The following DLG2 variants were observed in gnomAD, a reference collection of about 807,000 sequenced individuals.
DLG2 encodes the protein disks large homolog 2.
DLG2 carries 45 observed loss-of-function variants against 132.5 expected under a neutral mutation model. The ratio of observed to expected loss-of-function variants is 0.34; its 90% CI spans 0.27 to 0.44. The LOEUF (loss-of-function observed/expected upper bound fraction) is 0.44, where lower values mean the gene tolerates loss of function less well. Among genes scored for constraint, DLG2 ranks in the 20% least tolerant of loss-of-function variants. The pLI, the probability that DLG2 is intolerant of heterozygous loss-of-function variation, is 1.00. For synonymous variants in DLG2, 424 were observed against 419.6 expected (o/e 1.01, Z -0.13); for missense variants, 1,045 against 1,196.9 (o/e 0.87, Z 1.87).
chr11:83,933,195 G>T (rs1219554826), intron 14 of DLG2, among the ~76,000 whole-genome samples: 8 of 152,332 alleles, frequency 5.3e-5, no homozygotes, highest in African/African-American at 1.2e-4. Flanking sequence ...TGGTAAGGAA[G>T]TGCCAAGGGG....
chr11:84,775,865 C>T (rs2070378582), intron 6 of DLG2, among the ~76,000 whole-genome samples: 2 of 151,952 alleles, frequency 1.3e-5, no homozygotes, highest in South Asian at 4.2e-4. Context: ...AACAAGCTTG[C>T]CCATGTACCC....
At chr11:83,795,773 G>T (rs1350138483) in intron 17 of DLG2, among the ~76,000 whole-genome samples, 2 of 152,146 alleles carry the variant, frequency 1.3e-5, no homozygotes. Context: ...TAGAATGAAT[G>T]ATATCAGAAT....
intron 6 of DLG2, among the ~76,000 whole-genome samples, chr11:84,608,473 G>A (rs1221121841): frequency 6.6e-6 from 1 of 152,116 alleles, no homozygotes; most frequent in Non-Finnish European, 1.5e-5. Context: ...GATTCGGTGA[G>A]AAACACTTCA....
intron 7 of DLG2, among the ~76,000 whole-genome samples, chr11:84,417,477 A>T (rs927010202): frequency 3.3e-5 from 5 of 152,102 alleles, no homozygotes; most frequent in African/African-American, 1.2e-4. Context: ...TCTTTAAATC[A>T]TACATAGTCC....
intron 3 of DLG2, among the ~76,000 whole-genome samples, chr11:85,412,805 T>G (rs2089466208): frequency 6.9e-6 from 1 of 144,882 alleles, no homozygotes; most frequent in South Asian, 2.2e-4. Flanking sequence ...CTTAATCCAC[T>G]CATTGATGGA....
intron 6 of DLG2, among the ~76,000 whole-genome samples, chr11:84,950,305 G>A (rs866280465): frequency 6.6e-6 from 1 of 152,148 alleles, no homozygotes; most frequent in Non-Finnish European, 1.5e-5. Context: ...ATCTATGGCT[G>A]TCTGTGGGTG....
intron 7 of DLG2, among the ~76,000 whole-genome samples, chr11:84,446,457 G>C (rs1324871793): frequency 6.6e-6 from 1 of 152,012 alleles, no homozygotes; most frequent in Non-Finnish European, 1.5e-5. Flanking sequence ...GTTTCTGTGG[G>C]AGTCCCTGCG....
At chr11:85,301,780 C>T (rs570285309) in intron 3 of DLG2, among the ~76,000 whole-genome samples, 15 of 152,226 alleles carry the variant, frequency 9.9e-5, no homozygotes, top group African/African-American at 3.6e-4. Context: ...CAGGCAGATG[C>T]CAAGCACATC....
chr11:85,050,282 C>T (rs1282642659), intron 6 of DLG2, among the ~76,000 whole-genome samples: 1 of 151,908 alleles, frequency 6.6e-6, no homozygotes, highest in Non-Finnish European at 1.5e-5. Flanking sequence ...TTTGCTTGCC[C>T]TCTTACTCTA....
At chr11:84,350,178 C>CCG (rs1567366941) in intron 7 of DLG2, among the ~76,000 whole-genome samples, 2 of 143,234 alleles carry the variant, frequency 1.4e-5, no homozygotes, top group East Asian at 4.2e-4. Context: ...ACTTCGTCCC[C>CCG]CCCCCCAAAA....
chr11:83,926,840 C>G (rs923985862), intron 15 of DLG2, among the ~76,000 whole-genome samples: 8 of 152,076 alleles, frequency 5.3e-5, no homozygotes, highest in African/African-American at 1.9e-4. Flanking sequence ...TTTACTTTGC[C>G]CCTGAATTAT....
In DLG2 at chr11:84,787,177, G is replaced by C. The variant is rs779659994; in HGVS notation, c.358-252446C>G. 2.4e-4 allele frequency among the ~76,000 whole-genome samples: 37 copies of C among 152,248 alleles called. 1 individual carries two copies. The highest frequency in any genetic ancestry group is 9.2e-4 in the Admixed American group (14 of 15,294). On this transcript the variant is annotated intron_variant, in intron 6 of 27. Transcript: ENST00000376104. The stretch of plus-strand genomic sequence containing the variant: ...GGAGTAGAGCCATGTCCTTTTTCTA[G>C]ATTGACTCTTGGCAAGTGTCTCTGG...
chr11:84,896,586 T>C (rs2090214663), intron 6 of DLG2, among the ~76,000 whole-genome samples: 1 of 152,078 alleles, frequency 6.6e-6, no homozygotes, highest in South Asian at 2.1e-4. Context: ...CTGTCATTTT[T>C]GTCATAAAAA....
chr11:84,511,117 A>AT (rs1471697841), intron 7 of DLG2, among the ~76,000 whole-genome samples: 1 of 152,144 alleles, frequency 6.6e-6, no homozygotes, highest in East Asian at 1.9e-4. Flanking sequence ...AATATATAAA[A>AT]TGAGTTTGAT....
rs143294967 is a variant in DLG2, at chr11:85,157,915, C to T, written c.187-3264G>A. On this transcript the variant is annotated intron_variant, in intron 4 of 27. Transcript: ENST00000376104. ...GTAGTGGCAACATCCCCTCCCCGAC[C>T]CATTAGCCTTTCCACCGTTGTCTGA... Among the ~76,000 whole-genome samples, 899 of 152,176 alleles carry T rather than the reference C, an allele frequency of 5.9e-3. 10 individuals are homozygous for T. The highest frequency in any genetic ancestry group is 0.02 in the African/African-American group (825 of 41,502).
intron 7 of DLG2, among the ~76,000 whole-genome samples, chr11:84,370,934 T>C (rs1479494243): frequency 6.6e-6 from 1 of 152,048 alleles, no homozygotes; most frequent in Non-Finnish European, 1.5e-5. Flanking sequence ...AGGGGTCTAT[T>C]TTATCAAAGG....
intron 11 of DLG2, among the ~76,000 whole-genome samples, chr11:83,996,236 A>G (rs939453528): frequency 6.6e-6 from 1 of 152,174 alleles, no homozygotes; most frequent in Non-Finnish European, 1.5e-5. Context: ...CAACATCATT[A>G]ATCATCAGAG....
intron 18 of DLG2, among the ~76,000 whole-genome samples, chr11:83,722,338 T>G (rs891952618): frequency 3.9e-5 from 6 of 152,200 alleles, no homozygotes; most frequent in Non-Finnish European, 8.8e-5. Context: ...ATGGTGGTCT[T>G]ACGGCAACAA....
Position 85,453,999 on chromosome 11 carries a change from G to C in DLG2, c.40+144658C>G, listed in dbSNP as rs149672472. On this transcript the variant is annotated intron_variant, in intron 3 of 27. Coordinates refer to ENST00000376104, the MANE Select transcript of DLG2 (RefSeq NM_001142699.3). ...TGTGTCCATGTGTTTTCATTGCTTA[G>C]CTCTGACTTGTAAGTAAGAACATGT... Among the ~76,000 whole-genome samples, 921 of 152,026 alleles carry C rather than the reference G, an allele frequency of 6.1e-3. 10 individuals carry two copies. Among genetic ancestry groups the C allele is most frequent in the African/African-American group, 0.02 (843 of 41,452 alleles).
Sources: allele counts gnomAD v4.1 joint callset (sites outside exome capture counted in the v4.1 genomes callset), GRCh38; gene constraint gnomAD v4.1.1; transcripts MANE v1.5; gene names NCBI Gene and HGNC (gene_info 2026-07-23, HGNC 2026-07-21).